Variants in CIMIP3 observed in about 807,000 individuals in gnomAD.
CIMIP3 encodes the protein GUCA1A neighbor.
the CIMIP3 span, among the ~76,000 whole-genome samples, chr6:42,161,845 A>AT: frequency 6.6e-6 from 1 of 152,000 alleles, no homozygotes; most frequent in Non-Finnish European, 1.5e-5. Flanking sequence ...AGTAAATAGG[A>AT]TTTTGGAGGC....
the CIMIP3 span, among the ~76,000 whole-genome samples, chr6:42,159,626 G>A: frequency 1.3e-5 from 2 of 152,240 alleles, no homozygotes; most frequent in East Asian, 3.9e-4. Context: ...GCCGGAAGCT[G>A]TGCAGGGCAG....
chr6:42,160,458 G>C, the CIMIP3 span, among the ~76,000 whole-genome samples: 2 of 152,220 alleles, frequency 1.3e-5, no homozygotes, highest in African/African-American at 2.4e-5. Flanking sequence ...TAGGGAAAAA[G>C]AGATGCATAG....
At chr6:42,162,090 CTTTTTTTTTTTTTTTTT>C in the CIMIP3 span, among the ~76,000 whole-genome samples, 40 of 63,072 alleles carry the variant, frequency 6.3e-4, no homozygotes, top group African/African-American at 1.2e-3. Context: ...AAGCCACATT[CTTTTTTTTTTTTTTTTT>C]TTTTTTTTTT....
At chr6:42,159,428 C>T in the CIMIP3 span, among the ~76,000 whole-genome samples, 1 of 152,184 alleles carries the variant, frequency 6.6e-6, no homozygotes, top group Admixed American at 6.5e-5. Context: ...TGTGAATGAA[C>T]GAATGAAGCA....
chr6:42,155,688 G>A, the CIMIP3 span: 1 of 712,144 alleles, frequency 1.4e-6, no homozygotes, highest in Non-Finnish European at 2.6e-6. Context: ...GATCTCTCTG[G>A]GGAGATGGAG....
the CIMIP3 span, among the ~76,000 whole-genome samples, chr6:42,155,776 G>A: frequency 2.0e-5 from 3 of 152,118 alleles, no homozygotes; most frequent in Admixed American, 6.6e-5. Context: ...TGTTTGGTTC[G>A]TGTTACACCA....
the CIMIP3 span, among the ~76,000 whole-genome samples, chr6:42,161,019 T>C: frequency 6.6e-6 from 1 of 152,044 alleles, no homozygotes; most frequent in Admixed American, 6.5e-5. Context: ...AGAAAACCCA[T>C]CTCTACTGAA....
the CIMIP3 span, chr6:42,155,450 C>T: frequency 8.8e-6 from 6 of 680,818 alleles, no homozygotes; most frequent in Non-Finnish European, 1.6e-5. Context: ...AGTTCCACCT[C>T]ACCATCAAGA....
chr6:42,157,014 G>C, the CIMIP3 span, among the ~76,000 whole-genome samples: 1 of 152,242 alleles, frequency 6.6e-6, no homozygotes. Context: ...TGGAGGATTT[G>C]AGAGGACAGG....
chr6:42,162,863 G>A, the CIMIP3 span: 1 of 590,078 alleles, frequency 1.7e-6, no homozygotes, highest in Non-Finnish European at 3.1e-6. Context: ...CCCTGGCATA[G>A]CAGTTGAAGT....
At chr6:42,162,668 T>C in the CIMIP3 span, among the ~76,000 whole-genome samples, 1 of 152,086 alleles carries the variant, frequency 6.6e-6, no homozygotes, top group Non-Finnish European at 1.5e-5. Context: ...CCCAGGTTCC[T>C]AGCCTCTGGG....
the CIMIP3 span, among the ~76,000 whole-genome samples, chr6:42,156,957 G>A: frequency 6.6e-6 from 1 of 152,232 alleles, no homozygotes; most frequent in East Asian, 1.9e-4. Context: ...GAGTGAGGAG[G>A]CTACAGGTGG....
chr6:42,155,631 G>A, the CIMIP3 span: 17 of 717,248 alleles, frequency 2.4e-5, no homozygotes, highest in East Asian at 4.3e-4. Context: ...GGGTGCTGGT[G>A]CTGGTGCTGC....
At chr6:42,163,010 T>C in the CIMIP3 span, 2 of 716,818 alleles carry the variant, frequency 2.8e-6, no homozygotes, top group Non-Finnish European at 5.2e-6. Flanking sequence ...GCCCCGGGCG[T>C]GGAAGCAGGA....
the CIMIP3 span, chr6:42,163,084 G>A: frequency 1.0e-4 from 74 of 715,852 alleles, no homozygotes; most frequent in Non-Finnish European, 1.7e-4. Context: ...GGCAGAATCC[G>A]GACAAGCTCA....
chr6:42,162,799 C>T, the CIMIP3 span: 27 of 533,904 alleles, frequency 5.1e-5, 1 homozygote, highest in Admixed American at 9.1e-4. Context: ...CACAGCAGTG[C>T]TCCAGAGTGG....
At chr6:42,163,107 A>T in the CIMIP3 span, 1 of 713,508 alleles carries the variant, frequency 1.4e-6, no homozygotes, top group African/African-American at 1.8e-5. Flanking sequence ...TTCAATTTCT[A>T]CACCTCCCAG....
chr6:42,155,493 G>T, the CIMIP3 span: 3 of 715,046 alleles, frequency 4.2e-6, no homozygotes, highest in Non-Finnish European at 7.8e-6. Context: ...AAGGTGTGAT[G>T]AAATCACAGG....
the CIMIP3 span, chr6:42,163,008 C>G: frequency 9.8e-6 from 7 of 716,844 alleles, no homozygotes; most frequent in South Asian, 8.9e-5. Context: ...CGGCCCCGGG[C>G]GTGGAAGCAG....
Sources: gnomAD v4.1 joint callset for allele counts (sites outside exome capture counted in the v4.1 genomes callset) on GRCh38, gnomAD v4.1.1 for gene constraint, MANE v1.5 for transcripts, NCBI Gene and HGNC (gene_info 2026-07-23, HGNC 2026-07-21) for gene names.